TBC1D4: variants seen among roughly 807,000 people sequenced by gnomAD.
The protein encoded by TBC1D4 is TBC (Tre-2, BUB2, CDC16) domain-containing protein.
TBC1D4 carries 121 observed loss-of-function variants against 142.5 expected under a neutral mutation model. That is an observed-to-expected ratio of 0.85 (90% confidence interval 0.73 to 0.99). The LOEUF is 0.99. TBC1D4 is among the 50% of genes least tolerant of loss of function. The pLI is 0.00. For missense variants in TBC1D4, 1,475 were observed against 1,606.6 expected (o/e 0.92, Z 1.40); for synonymous variants, 630 against 628.2 (o/e 1.00, Z -0.04).
In TBC1D4 at chr13:75,293,199, C is replaced by T. The variant is rs369151470; in HGVS notation, c.3317-928G>A. 3.4e-4 allele frequency among the ~76,000 whole-genome samples: 52 copies of T among 152,184 alleles called. No individual in the cohort carries two copies. The East Asian group carries it at 6.4e-3, about 19-fold the overall frequency. ...AAATAAAAGTATCAAGTACTTAGTA[C>T]TTTTTTATGAAAGTTTCTCTCAATC... is the stretch of plus-strand genomic sequence containing the variant. On this transcript the variant is annotated intron_variant, in intron 18 of 20. Coordinates refer to ENST00000377636, the MANE Select transcript of TBC1D4 (RefSeq NM_014832.5).
intron 5 of TBC1D4, among the ~76,000 whole-genome samples, chr13:75,344,430 C>A (rs771720665): frequency 2.0e-5 from 3 of 152,174 alleles, no homozygotes; most frequent in Non-Finnish European, 4.4e-5. Context: ...ATACATGCTC[C>A]CTCTTCCATG....
At position 75,420,884 on chromosome 13, in the gene TBC1D4, C is replaced by T. The variant is rs115885608; in HGVS notation, c.499-58277G>A. 5.5e-3 allele frequency among the ~76,000 whole-genome samples: 844 copies of T among 152,140 alleles called. 11 individuals carry two copies. The highest frequency in any genetic ancestry group is 0.018 in the African/African-American group (766 of 41,486). ...AAATATACCCTCTACAAGAGCTGAA[C>T]GAGGCCTTCAGAAAACGGACCTTGA... On this transcript the variant is annotated intron_variant, in intron 1 of 20. Transcript: ENST00000377636.
In TBC1D4 at chr13:75,336,769, G is replaced by T. The variant is rs1327123990; in HGVS notation, c.1731+152C>A. On this transcript the variant is annotated intron_variant, in intron 8 of 20. Transcript: ENST00000377636. ...AAAACAAAAAAACAAAAGAAAAAAA[G>T]ATCCTTTTGTTAAATAATTTTTAAA... is the stretch of plus-strand genomic sequence containing the variant. 3.9e-6 allele frequency: 4 copies of T among 1,031,348 alleles called. No individual in the cohort carries two copies. The African/African-American group carries it at 6.6e-5, about 17-fold the overall frequency. The allele number at this position is 1,031,348 out of a possible 1,614,324, so 63.9% of individuals were successfully genotyped here.
chr13:75,441,808 C>T (rs1229341476), intron 1 of TBC1D4, among the ~76,000 whole-genome samples: 1 of 152,230 alleles, frequency 6.6e-6, no homozygotes, highest in Non-Finnish European at 1.5e-5. Context: ...GTTCCCATTA[C>T]AGTACCCCAA....
intron 1 of TBC1D4, among the ~76,000 whole-genome samples, chr13:75,419,694 C>CCAGT (rs1488949747): frequency 5.9e-5 from 9 of 152,118 alleles, no homozygotes; most frequent in Admixed American, 5.9e-4. Context: ...CTGTGGTCTC[C>CCAGT]CAGTCACCTC....
chr13:75,365,827 C>A lies in TBC1D4; in HGVS notation c.499-3220G>T, dbSNP rs551408379. 3.3e-5 allele frequency among the ~76,000 whole-genome samples: 5 copies of A among 152,242 alleles called. No individual in the cohort carries two copies. The East Asian group carries it at 5.8e-4, about 18-fold the overall frequency. On this transcript the variant is annotated intron_variant, in intron 1 of 20. Coordinates refer to ENST00000377636, the MANE Select transcript of TBC1D4 (RefSeq NM_014832.5). ...GGAAAATGGTCTGGGCTCAGAAGAA[C>A]TTGAATGAATGCTGACAGCAAACAG...
At chr13:75,356,113 G>T in intron 4 of TBC1D4, 34 bp downstream of exon 4, 1 of 1,516,628 alleles carries the variant, frequency 6.6e-7, no homozygotes, top group Non-Finnish European at 9.1e-7. Flanking sequence ...AGATGTGTCC[G>T]CAGGAGCAGG....
At chr13:75,303,474 G>C (rs1038224879) in intron 15 of TBC1D4, among the ~76,000 whole-genome samples, 1 of 152,126 alleles carries the variant, frequency 6.6e-6, no homozygotes, top group African/African-American at 2.4e-5. Context: ...GCAGTTCAAG[G>C]ACACTATGAC....
At chr13:75,458,940 G>A (rs903950891) in intron 1 of TBC1D4, among the ~76,000 whole-genome samples, 1 of 151,892 alleles carries the variant, frequency 6.6e-6, no homozygotes, top group South Asian at 2.1e-4. Context: ...TGTAAACTGG[G>A]ACCTTGTTTC....
chr13:75,302,730 G>T (rs1876705297), intron 15 of TBC1D4: 1 of 368,328 alleles, frequency 2.7e-6, no homozygotes, highest in African/African-American at 2.1e-5. Flanking sequence ...TCAACTATAA[G>T]GTAGGCAATT....
At chr13:75,337,583 C>G (rs1555306134) in intron 7 of TBC1D4, among the ~76,000 whole-genome samples, 1 of 152,172 alleles carries the variant, frequency 6.6e-6, no homozygotes, top group Non-Finnish European at 1.5e-5. Flanking sequence ...ATTAGGTTCT[C>G]TATGTATTTT....
intron 1 of TBC1D4, among the ~76,000 whole-genome samples, chr13:75,474,546 C>T (rs1417819406): frequency 6.6e-6 from 1 of 152,136 alleles, no homozygotes; most frequent in East Asian, 1.9e-4. Context: ...GCGACAGAGT[C>T]AGACTCCGTC....
intron 4 of TBC1D4, among the ~76,000 whole-genome samples, chr13:75,353,415 C>CAAAA (rs1366896754): frequency 6.6e-6 from 1 of 152,110 alleles, no homozygotes; most frequent in African/African-American, 2.4e-5. Context: ...ACTCAAAATA[C>CAAAA]AAAAGTACCA....
At chr13:75,411,690 A>T (rs1190073356) in intron 1 of TBC1D4, among the ~76,000 whole-genome samples, 3 of 150,456 alleles carry the variant, frequency 2.0e-5, no homozygotes, top group Non-Finnish European at 4.4e-5. Context: ...TATCTGGCTA[A>T]TTTTTTATTT....
intron 17 of TBC1D4, 149 bp from the exon 18 acceptor site, chr13:75,295,162 TA>T: frequency 1.3e-6 from 1 of 791,500 alleles, no homozygotes; most frequent in East Asian, 2.8e-5. Flanking sequence ...AAGTTGATAC[TA>T]AAATCCAAGT....
intron 1 of TBC1D4, among the ~76,000 whole-genome samples, chr13:75,461,006 A>G (rs747523998): frequency 3.3e-5 from 5 of 152,234 alleles, no homozygotes; most frequent in Admixed American, 6.5e-5. Flanking sequence ...ATAATCTTAC[A>G]GACTGGATAC....
chr13:75,442,985 G>A (rs1887111800), intron 1 of TBC1D4, among the ~76,000 whole-genome samples: 1 of 152,148 alleles, frequency 6.6e-6, no homozygotes, highest in Admixed American at 6.5e-5. Context: ...ACTGCTACAT[G>A]TATCATTGCT....
At position 75,419,339 on chromosome 13, in the gene TBC1D4, T is replaced by C. The variant is rs887716753; in HGVS notation, c.499-56732A>G. On this transcript the variant is annotated intron_variant, in intron 1 of 20. Coordinates refer to ENST00000377636, the MANE Select transcript of TBC1D4 (RefSeq NM_014832.5). ...GAGGAGGAAAAAGGAGCTGTTGAAG[T>C]TTTATGCAACATTTTCACCCTATTC... Among the ~76,000 whole-genome samples, 31 of 152,174 alleles carry C rather than the reference T, an allele frequency of 2.0e-4. 1 individual carries two copies. Among genetic ancestry groups the C allele is most frequent in the Admixed American group, 3.3e-4 (5 of 15,276 alleles).
chr13:75,361,934 A>G, intron 2 of TBC1D4, 92 bp downstream of exon 2: 1 of 1,405,906 alleles, frequency 7.1e-7, no homozygotes, highest in South Asian at 1.2e-5. Context: ...ATTATTCGTT[A>G]TATAGAGGTG....
Sources: gnomAD v4.1 joint callset for allele counts (sites outside exome capture counted in the v4.1 genomes callset) on GRCh38, gnomAD v4.1.1 for gene constraint, MANE v1.5 for transcripts, NCBI Gene and HGNC (gene_info 2026-07-23, HGNC 2026-07-21) for gene names.